HSD17B12: variants seen among roughly 807,000 people sequenced by gnomAD.
HSD17B12 encodes hydroxysteroid 17-beta dehydrogenase 12.
A neutral mutation model predicts 39.3 loss-of-function variants in HSD17B12; 32 were observed. The observed-to-expected ratio is 0.81, with a 90% CI of 0.61 to 1.09. HSD17B12 has a LOEUF of 1.09. Ranked by LOEUF, HSD17B12 falls within the 50% of genes least tolerant of loss-of-function variation. The pLI is 0.00. For synonymous variants in HSD17B12, 150 were observed against 146.7 expected, an observed-to-expected ratio of 1.02 and a Z score of -0.16; for missense variants, 342 against 382.9, an observed-to-expected ratio of 0.89 and a Z score of 0.89.
intron 1 of HSD17B12, among the ~76,000 whole-genome samples, chr11:43,745,258 T>C (rs1189754265): frequency 1.3e-5 from 2 of 152,244 alleles, no homozygotes; most frequent in Admixed American, 6.5e-5. Flanking sequence ...AAGTTGGCAA[T>C]TTTAAACATG....
At chr11:43,649,129 A>G in the HSD17B12 span, among the ~76,000 whole-genome samples, 11 of 151,198 alleles carry the variant, frequency 7.3e-5, no homozygotes, top group African/African-American at 2.7e-4. Context: ...TTTTTTAATT[A>G]TTAACCAAAG....
chr11:43,854,671 A>G, intron 9 of HSD17B12, 44 bp from the exon 10 acceptor site: 1 of 1,606,102 alleles, frequency 6.2e-7, no homozygotes, highest in Non-Finnish European at 8.5e-7. Flanking sequence ...TTGTGGCCTT[A>G]CTAATCAATG....
At chr11:43,780,027 G>A (rs980286582) in intron 3 of HSD17B12, among the ~76,000 whole-genome samples, 1 of 152,194 alleles carries the variant, frequency 6.6e-6, no homozygotes, top group Non-Finnish European at 1.5e-5. Flanking sequence ...TAGTCTCTGA[G>A]ATTTCATGGG....
chr11:43,692,559 T>C (rs1949872467), intron 1 of HSD17B12, among the ~76,000 whole-genome samples: 1 of 152,234 alleles, frequency 6.6e-6, no homozygotes, highest in South Asian at 2.1e-4. Flanking sequence ...AGTATATTTA[T>C]TATTCTTTCC....
intron 1 of HSD17B12, among the ~76,000 whole-genome samples, chr11:43,717,455 A>G (rs956725645): frequency 2.0e-5 from 3 of 152,192 alleles, no homozygotes; most frequent in Admixed American, 1.3e-4. Context: ...CTATTGCTAT[A>G]TAACAAACTA....
chr11:43,737,079 A>G (rs1950323394), intron 1 of HSD17B12, among the ~76,000 whole-genome samples: 1 of 152,170 alleles, frequency 6.6e-6, no homozygotes, highest in Non-Finnish European at 1.5e-5. Flanking sequence ...TAATCAATCG[A>G]GTGTTTTCTG....
the HSD17B12 span, among the ~76,000 whole-genome samples, chr11:43,627,955 CT>C: frequency 5.3e-5 from 8 of 150,736 alleles, no homozygotes; most frequent in Non-Finnish European, 7.4e-5. Flanking sequence ...AAAGTAATGA[CT>C]TTTTTTTTAA....
chr11:43,690,725 A>G (rs540307615), intron 1 of HSD17B12, among the ~76,000 whole-genome samples: 1 of 152,138 alleles, frequency 6.6e-6, no homozygotes, highest in South Asian at 2.1e-4. Flanking sequence ...CTCTGGAACT[A>G]GATTACCTAC....
At chr11:43,682,742 T>C (rs1037329258) in intron 1 of HSD17B12, among the ~76,000 whole-genome samples, 1 of 151,986 alleles carries the variant, frequency 6.6e-6, no homozygotes, top group Non-Finnish European at 1.5e-5. Context: ...AAATTTGTAA[T>C]TGGTAAGCAA....
the HSD17B12 span, among the ~76,000 whole-genome samples, chr11:43,622,174 A>G: frequency 6.6e-6 from 1 of 152,210 alleles, no homozygotes; most frequent in African/African-American, 2.4e-5. Flanking sequence ...AGAGGGTAAT[A>G]TAGAGATGGA....
intron 4 of HSD17B12, among the ~76,000 whole-genome samples, chr11:43,815,176 A>G (rs1208959389): frequency 6.6e-6 from 1 of 152,176 alleles, no homozygotes; most frequent in Non-Finnish European, 1.5e-5. Context: ...CCAAAGGGCT[A>G]TGGAAAGTGA....
chr11:43,738,737 T>C (rs549677573), intron 1 of HSD17B12, among the ~76,000 whole-genome samples: 1 of 152,280 alleles, frequency 6.6e-6, no homozygotes, highest in South Asian at 2.1e-4. Context: ...ACTGTGATGA[T>C]CCAGACAGAC....
chr11:43,792,751 G>A (rs923800694), intron 3 of HSD17B12, among the ~76,000 whole-genome samples: 1 of 141,240 alleles, frequency 7.1e-6, no homozygotes, highest in African/African-American at 2.8e-5. Flanking sequence ...TCAAACTGCA[G>A]GGCTCAAGTG....
chr11:43,574,449 C>T, the HSD17B12 span, among the ~76,000 whole-genome samples: 1 of 152,164 alleles, frequency 6.6e-6, no homozygotes, highest in Non-Finnish European at 1.5e-5. Flanking sequence ...AGAAGTTATC[C>T]AAGTGGATCT....
At chr11:43,734,558 GC>G in intron 1 of HSD17B12, 3 of 540,066 alleles carry the variant, frequency 5.6e-6, no homozygotes, top group Non-Finnish European at 9.6e-6. Flanking sequence ...CCCTCCAGCT[GC>G]CCCAGTGAGG....
the HSD17B12 span, among the ~76,000 whole-genome samples, chr11:43,662,378 T>TGTGC: frequency 8.5e-4 from 2 of 2,346 alleles, no homozygotes; most frequent in African/African-American, 1.3e-3. Flanking sequence ...TTATTTTATT[T>TGTGC]GTGTGTGTGT....
rs569801835 is a variant in HSD17B12, at chr11:43,750,803, C to T, written c.161-108C>T. 7 of 673,196 alleles carry T rather than the reference C, an allele frequency of 1.0e-5. No homozygotes were observed. The East Asian group carries it at 1.6e-4, about 16-fold the overall frequency. 41.7% of individuals were successfully genotyped at this position (673,196 alleles called of 1,614,324 possible). A position where few individuals can be genotyped will look rare whatever the true frequency, so the allele number is the denominator to read the frequency against. On this transcript the variant is annotated intron_variant, in intron 1 of 10. Transcript: ENST00000278353. ...ACCGCTGGTATTGTTCTGTCTTTTA[C>T]ATCAAAGTGTCACACTGGTCCTTTT...
chr11:43,683,873 T>C (rs983083688), intron 1 of HSD17B12, among the ~76,000 whole-genome samples: 2 of 152,344 alleles, frequency 1.3e-5, no homozygotes, highest in Non-Finnish European at 1.5e-5. Flanking sequence ...ATGTTTAATC[T>C]GTCTGCCTCA....
chr11:43,776,834 T>C (rs1386814707), intron 3 of HSD17B12, among the ~76,000 whole-genome samples: 1 of 152,140 alleles, frequency 6.6e-6, no homozygotes, highest in Non-Finnish European at 1.5e-5. Context: ...GGCTAGCCAG[T>C]TTTCCCAGCA....
Sources: allele counts gnomAD v4.1 joint callset (sites outside exome capture counted in the v4.1 genomes callset), GRCh38; gene constraint gnomAD v4.1.1; transcripts MANE v1.5; gene names NCBI Gene and HGNC (gene_info 2026-07-23, HGNC 2026-07-21).